Variants in XKR6 observed in about 807,000 individuals in gnomAD.
XKR6 encodes XK related 6, also known as XK-related protein 6.
In XKR6, 22 loss-of-function variants were observed where a neutral mutation model predicts 56.7. The observed-to-expected ratio is 0.39, with a 90% CI of 0.28 to 0.55. The LOEUF (loss-of-function observed/expected upper bound fraction) is 0.55. XKR6 is among the 20% of genes least tolerant of loss of function. The pLI, the probability that XKR6 is intolerant of heterozygous loss-of-function variation, is 0.66. For synonymous variants in XKR6, 524 were observed against 387.8 expected (o/e 1.35, Z -4.13); for missense variants, 852 against 889.0 (o/e 0.96, Z 0.53).
chr8:11,029,435 A>T (rs754371242), intron 1 of XKR6, among the ~76,000 whole-genome samples: 1 of 152,120 alleles, frequency 6.6e-6, no homozygotes, highest in African/African-American at 2.4e-5. Flanking sequence ...GGTTTAGATG[A>T]GGTCATGAGG....
At chr8:11,034,280 G>C (rs943594584) in intron 1 of XKR6, among the ~76,000 whole-genome samples, 4 of 152,180 alleles carry the variant, frequency 2.6e-5, no homozygotes, top group African/African-American at 9.6e-5. Context: ...AGACGGCATG[G>C]AGGAGCCAGC....
chr8:11,035,927 A>G (rs1045209474), intron 1 of XKR6, among the ~76,000 whole-genome samples: 2 of 144,324 alleles, frequency 1.4e-5, no homozygotes, highest in African/African-American at 5.2e-5. Context: ...GAGTTGAGTT[A>G]CCTGTGAAAG....
At chr8:11,001,862 C>T (rs1016594829) in intron 1 of XKR6, among the ~76,000 whole-genome samples, 7 of 152,218 alleles carry the variant, frequency 4.6e-5, no homozygotes, top group African/African-American at 1.4e-4. Context: ...TCTGGTCTCA[C>T]TGTGGCCTGG....
rs189083458 is a variant in XKR6, at chr8:11,024,803, C to T, written c.765-99973G>A. Among the ~76,000 whole-genome samples, 130 of 152,364 alleles carry T rather than the reference C, an allele frequency of 8.5e-4. 1 individual carries two copies. The highest frequency in any genetic ancestry group is 4.8e-4 in the Non-Finnish European group (33 of 68,042). On this transcript the variant is annotated intron_variant, in intron 1 of 2. Coordinates refer to ENST00000416569, the MANE Select transcript of XKR6 (RefSeq NM_173683.4). The stretch of plus-strand genomic sequence containing the variant: ...CTTAAAGACAGTGCAGACTAGCAGA[C>T]GGCTGCAAAACCTGGGTGTTGGGGC...
intron 1 of XKR6, among the ~76,000 whole-genome samples, chr8:11,113,379 C>G (rs1236757482): frequency 1.3e-5 from 2 of 152,162 alleles, no homozygotes; most frequent in East Asian, 1.9e-4. Context: ...AAATAACACT[C>G]CCCTCCACCC....
chr8:11,142,516 T>G (rs1342145710), intron 1 of XKR6, among the ~76,000 whole-genome samples: 2 of 152,188 alleles, frequency 1.3e-5, no homozygotes, highest in African/African-American at 4.8e-5. Context: ...CCCTCATGAA[T>G]GGCTTAACAC....
intron 1 of XKR6, chr8:11,063,021 C>T: frequency 2.8e-6 from 1 of 357,188 alleles, no homozygotes. Context: ...CATGGAATGC[C>T]AGCCACAAAT....
At chr8:10,913,086 C>A (rs913741805) in intron 2 of XKR6, among the ~76,000 whole-genome samples, 9 of 147,280 alleles carry the variant, frequency 6.1e-5, no homozygotes, top group African/African-American at 2.0e-4. Flanking sequence ...GTGAGTATAT[C>A]TATATATAGA....
At chr8:11,146,610 A>C (rs1435968980) in intron 1 of XKR6, among the ~76,000 whole-genome samples, 1 of 148,498 alleles carries the variant, frequency 6.7e-6, no homozygotes, top group Admixed American at 6.7e-5. Context: ...GCCTGTGTAG[A>C]GTGAGACCCT....
chr8:11,176,448 G>GA (rs1231535528), intron 1 of XKR6, among the ~76,000 whole-genome samples: 3 of 152,002 alleles, frequency 2.0e-5, no homozygotes, highest in African/African-American at 7.2e-5. Flanking sequence ...CAATACTTGG[G>GA]AAAAAATGGT....
Position 10,898,620 on chromosome 8 carries a change from T to C in XKR6, c.1258A>G (p.Met420Val). 2 of 1,614,072 alleles carry C rather than the reference T, an allele frequency of 1.2e-6. No homozygotes were observed. Among genetic ancestry groups the C allele is most frequent in the Non-Finnish European group, 1.7e-6 (2 of 1,180,002 alleles). ...MSKWEEILFN[M>V]VVGIVYIFCW... Reference sequence around the variant, plus strand: ...AAAATGTACACGATCCCTACCACCATGTTGAAGAGGATCTCCTCCCACTTG... The same window carrying C: ...AAAATGTACACGATCCCTACCACCACGTTGAAGAGGATCTCCTCCCACTTG... Residue 420 changes from methionine to valine, a missense_variant, in exon 3 of 3, where the codon ATG becomes GTG. Met to Val is a conservative substitution (Grantham distance 21, BLOSUM62 1). Transcript: ENST00000416569. This position sits in a 1 kb window ranked among gnomAD's most constrained non-coding sequence, Gnocchi z 6.6.
intron 1 of XKR6, among the ~76,000 whole-genome samples, chr8:10,927,610 A>G (rs1800930218): frequency 6.6e-6 from 1 of 152,138 alleles, no homozygotes; most frequent in African/African-American, 2.4e-5. Context: ...AGGCAAAGGG[A>G]GCACCAGTTC....
intron 1 of XKR6, among the ~76,000 whole-genome samples, chr8:11,093,293 G>T (rs139767028): frequency 1.4e-4 from 21 of 152,308 alleles, no homozygotes; most frequent in Middle Eastern, 3.4e-3. Flanking sequence ...GACCTCGGGT[G>T]ATCCGCCCAC....
At chr8:11,020,508 C>A (rs1434138620) in intron 1 of XKR6, among the ~76,000 whole-genome samples, 1 of 152,152 alleles carries the variant, frequency 6.6e-6, no homozygotes, top group Middle Eastern at 3.2e-3. Context: ...AAGAACCCAT[C>A]GAGGAAAGAA....
chr8:11,007,973 G>A (rs972351021), intron 1 of XKR6, among the ~76,000 whole-genome samples: 2 of 152,036 alleles, frequency 1.3e-5, no homozygotes, highest in Non-Finnish European at 2.9e-5. Flanking sequence ...AGCATGGGGC[G>A]AGACCTGGAT....
chr8:11,094,291 C>G (rs562719957), intron 1 of XKR6, among the ~76,000 whole-genome samples: 3 of 152,080 alleles, frequency 2.0e-5, no homozygotes, highest in Non-Finnish European at 2.9e-5. Context: ...GGGGTTCAAG[C>G]GATTCTCCTG....
intron 1 of XKR6, among the ~76,000 whole-genome samples, chr8:11,084,700 A>AT (rs1797829589): frequency 6.6e-6 from 1 of 152,048 alleles, no homozygotes; most frequent in Non-Finnish European, 1.5e-5. Context: ...TGTGGGAGCT[A>AT]TTTTTTCCCT....
chr8:11,164,513 T>A (rs944351614), intron 1 of XKR6, among the ~76,000 whole-genome samples: 1 of 152,166 alleles, frequency 6.6e-6, no homozygotes, highest in Admixed American at 6.5e-5. Flanking sequence ...TGAAATAAAG[T>A]GAAAATTCAA....
intron 1 of XKR6, among the ~76,000 whole-genome samples, chr8:11,130,501 G>T (rs944916411): frequency 6.6e-6 from 1 of 152,074 alleles, no homozygotes; most frequent in Non-Finnish European, 1.5e-5. Context: ...AACAACAAAA[G>T]ATGGGTTCAT....
Sources: allele counts gnomAD v4.1 joint callset (sites outside exome capture counted in the v4.1 genomes callset), GRCh38; gene constraint gnomAD v4.1.1; non-coding constraint Gnocchi (gnomAD v3.1); transcripts MANE v1.5; gene names NCBI Gene and HGNC (gene_info 2026-07-23, HGNC 2026-07-21).